Variants in CELF4 observed in about 807,000 individuals in gnomAD.
The protein encoded by CELF4 is CUGBP Elav-like family member 4, also known as CUG-BP- and ETR-3-like factor 4.
A neutral mutation model predicts 59.9 loss-of-function variants in CELF4; 18 were observed. The observed-to-expected ratio is 0.30, with a 90% CI of 0.21 to 0.45. CELF4 has a LOEUF of 0.45. Among genes scored for constraint, CELF4 ranks in the 20% least tolerant of loss-of-function variants. The pLI is 1.00. For synonymous variants in CELF4, 261 were observed against 267.1 expected (o/e 0.98, Z 0.22); for missense variants, 456 against 689.0 (o/e 0.66, Z 3.79).
At chr18:37,488,880 C>T (rs1477117616) in intron 1 of CELF4, among the ~76,000 whole-genome samples, 2 of 152,220 alleles carry the variant, frequency 1.3e-5, no homozygotes, top group East Asian at 1.9e-4. Context: ...CCCAGGAGAG[C>T]CCCTTCCCAG....
intron 2 of CELF4, among the ~76,000 whole-genome samples, chr18:37,421,053 G>A (rs965101359): frequency 5.3e-5 from 8 of 152,048 alleles, no homozygotes; most frequent in Non-Finnish European, 8.8e-5. Context: ...TCAAGTGTAG[G>A]AGCTGCTGAG....
intron 2 of CELF4, among the ~76,000 whole-genome samples, chr18:37,449,203 G>A (rs1007490443): frequency 6.6e-6 from 1 of 152,154 alleles, no homozygotes; most frequent in Non-Finnish European, 1.5e-5. Context: ...AGGAGGAGGA[G>A]GCATCTGAAT....
intron 2 of CELF4, among the ~76,000 whole-genome samples, chr18:37,429,421 T>A (rs1402728388): frequency 6.6e-6 from 1 of 152,126 alleles, no homozygotes; most frequent in Non-Finnish European, 1.5e-5. Context: ...TCTGTGTGTG[T>A]CTATAGTCTC....
At chr18:37,560,484 A>G (rs1473042316) in intron 1 of CELF4, among the ~76,000 whole-genome samples, 1 of 152,100 alleles carries the variant, frequency 6.6e-6, no homozygotes, top group Non-Finnish European at 1.5e-5. Context: ...AATGATTGCT[A>G]TTGATCATTT....
At chr18:37,493,720 A>G (rs1006514608) in intron 1 of CELF4, among the ~76,000 whole-genome samples, 1 of 152,106 alleles carries the variant, frequency 6.6e-6, no homozygotes, top group Admixed American at 6.5e-5. Context: ...AAGCCAATGC[A>G]TCAGAGGCTG....
intron 2 of CELF4, among the ~76,000 whole-genome samples, chr18:37,480,689 G>C (rs1366212846): frequency 5.9e-5 from 9 of 152,240 alleles, no homozygotes; most frequent in East Asian, 3.9e-4. Context: ...GCCTCCTGTG[G>C]ATGTCAGGGT....
intron 1 of CELF4, among the ~76,000 whole-genome samples, chr18:37,565,109 A>G (rs1157117054): frequency 1.3e-5 from 2 of 151,776 alleles, no homozygotes; most frequent in Non-Finnish European, 2.9e-5. Context: ...CTTTCTCTTC[A>G]TCGGCGCCCG....
chr18:37,486,647 C>T (rs577670305), intron 1 of CELF4, among the ~76,000 whole-genome samples: 6 of 152,344 alleles, frequency 3.9e-5, no homozygotes, highest in African/African-American at 7.2e-5. Flanking sequence ...CTCACTATGG[C>T]GGAAGCAGGC....
At chr18:37,249,040 C>T (rs2063803598) in intron 12 of CELF4, among the ~76,000 whole-genome samples, 1 of 152,164 alleles carries the variant, frequency 6.6e-6, no homozygotes, top group Non-Finnish European at 1.5e-5. Flanking sequence ...AGCCCGGCCT[C>T]CAGCTCAACC....
At chr18:37,429,277 G>A (rs541190499) in intron 2 of CELF4, among the ~76,000 whole-genome samples, 1 of 152,144 alleles carries the variant, frequency 6.6e-6, no homozygotes, top group Admixed American at 6.5e-5. Context: ...GGAGAGAAGA[G>A]CCTGAAAGCT....
At chr18:37,287,097 G>C (rs1344323881) in intron 3 of CELF4, among the ~76,000 whole-genome samples, 2 of 152,326 alleles carry the variant, frequency 1.3e-5, no homozygotes, top group Middle Eastern at 3.4e-3. Flanking sequence ...TCACCTGGAG[G>C]CTTCGACAAG....
At chr18:37,534,063 T>A (rs553963571) in intron 1 of CELF4, among the ~76,000 whole-genome samples, 75 of 152,200 alleles carry the variant, frequency 4.9e-4, no homozygotes, top group Non-Finnish European at 9.6e-4. Context: ...GGATTCCCCG[T>A]CTCTCATTCC....
intron 2 of CELF4, among the ~76,000 whole-genome samples, chr18:37,383,709 C>T (rs1302191373): frequency 7.9e-5 from 12 of 152,102 alleles, no homozygotes; most frequent in Admixed American, 1.3e-4. Flanking sequence ...GCAGGGAAGT[C>T]GGGTATTAAC....
chr18:37,411,936 G>A (rs1001468755), intron 2 of CELF4, among the ~76,000 whole-genome samples: 5 of 152,190 alleles, frequency 3.3e-5, no homozygotes, highest in African/African-American at 4.8e-5. Flanking sequence ...CCCTCCAGCC[G>A]CCTGGCATAC....
intron 2 of CELF4, among the ~76,000 whole-genome samples, chr18:37,456,576 C>T (rs914328644): frequency 2.0e-5 from 3 of 152,180 alleles, no homozygotes; most frequent in Non-Finnish European, 4.4e-5. Context: ...AGGGCCACAT[C>T]TTTCCCAAAA....
chr18:37,432,901 C>G (rs897367319), intron 2 of CELF4, among the ~76,000 whole-genome samples: 7 of 152,190 alleles, frequency 4.6e-5, no homozygotes, highest in Admixed American at 2.6e-4. Context: ...CTTTCTATTT[C>G]ATGCTCTTTT....
At position 37,246,867 on chromosome 18, in the gene CELF4, T is replaced by G. The variant is rs2062406320; in HGVS notation, c.*45-1670A>C. The G allele has an allele frequency of 6.6e-6, 1 of 152,190 alleles. No homozygotes were observed. The highest frequency in any genetic ancestry group is 1.5e-5 in the Non-Finnish European group (1 of 68,040). The allele number at this position is 152,190 out of a possible 1,614,324, so 9.4% of individuals were successfully genotyped here. On this transcript the variant is annotated intron_variant, in intron 12 of 12. Coordinates refer to ENST00000420428, the MANE Select transcript of CELF4 (RefSeq NM_020180.4). This position sits in a 1 kb window ranked among gnomAD's most constrained non-coding sequence, Gnocchi z 5.3. ...ACTATTTTTTGTTCTTTTGTTTTGT[T>G]TTTTTCTCTATGTGACATCTAGAGA...
chr18:37,391,978 T>G (rs1214075493), intron 2 of CELF4, among the ~76,000 whole-genome samples: 1 of 152,180 alleles, frequency 6.6e-6, no homozygotes, highest in African/African-American at 2.4e-5. Context: ...AGGGTGGCTT[T>G]TAGTGTGCAA....
intron 12 of CELF4, among the ~76,000 whole-genome samples, chr18:37,249,543 C>T (rs2064132006): frequency 6.6e-6 from 1 of 152,180 alleles, no homozygotes; most frequent in South Asian, 2.1e-4. Flanking sequence ...ATACCCTCAT[C>T]TCTCACACAT....
Sources: allele counts gnomAD v4.1 joint callset (sites outside exome capture counted in the v4.1 genomes callset), GRCh38; gene constraint gnomAD v4.1.1; non-coding constraint Gnocchi (gnomAD v3.1); transcripts MANE v1.5; gene names NCBI Gene and HGNC (gene_info 2026-07-23, HGNC 2026-07-21).